Variants in CYSLTR2 observed in about 807,000 individuals in gnomAD.
CYSLTR2 encodes cysteinyl leukotriene receptor 2, also known as G-protein coupled receptor GPCR21.
For missense variants in CYSLTR2, 398 were observed against 411.9 expected (o/e 0.97, Z 0.29); for synonymous variants, 179 against 160.8 (o/e 1.11, Z -0.86).
At chr13:48,692,726 G>T (rs1954070066) in intron 2 of CYSLTR2, among the ~76,000 whole-genome samples, 1 of 150,592 alleles carries the variant, frequency 6.6e-6, no homozygotes, top group Non-Finnish European at 1.5e-5. Context: ...TTTTCTTTAG[G>T]CAAGAAAGAA....
intron 4 of CYSLTR2, among the ~76,000 whole-genome samples, chr13:48,700,084 A>G (rs1311932943): frequency 2.0e-5 from 3 of 152,388 alleles, no homozygotes; most frequent in South Asian, 4.1e-4. Context: ...GAATTCTACC[A>G]GAGGTACAAA....
chr13:48,701,464 C>A (rs1234256018), intron 4 of CYSLTR2, among the ~76,000 whole-genome samples: 1 of 152,162 alleles, frequency 6.6e-6, no homozygotes, highest in Non-Finnish European at 1.5e-5. Context: ...CTTCCTTACA[C>A]CTTACACAAA....
At chr13:48,697,728 G>A (rs1954230614) in intron 4 of CYSLTR2, among the ~76,000 whole-genome samples, 1 of 152,158 alleles carries the variant, frequency 6.6e-6, no homozygotes, top group South Asian at 2.1e-4. Context: ...CCAAGTTAAA[G>A]GAGGATGTTC....
At chr13:48,686,886 C>T (rs966181403) in intron 1 of CYSLTR2, among the ~76,000 whole-genome samples, 2 of 152,078 alleles carry the variant, frequency 1.3e-5, no homozygotes, top group Non-Finnish European at 2.9e-5. Flanking sequence ...TTAAGGAATA[C>T]CTGGAGAACT....
rs574546859 is a variant in CYSLTR2 at position 48,689,551 on chromosome 13, T to G, written c.-265-1661T>G. ...CTTGTTTTTGTCAAGTTGTCAAAGA[T>G]CAGATGGTTGTAGATGTGTGGTGTT... On this transcript the variant is annotated intron_variant, in intron 1 of 4. Transcript: ENST00000682523. Among the ~76,000 whole-genome samples, 7 of 152,298 alleles carry G rather than the reference T, an allele frequency of 4.6e-5. No individual in the cohort carries two copies. The East Asian group carries it at 1.3e-3, about 29-fold the overall frequency.
intron 1 of CYSLTR2, among the ~76,000 whole-genome samples, chr13:48,654,685 T>C (rs1593917766): frequency 6.6e-6 from 1 of 152,194 alleles, no homozygotes; most frequent in African/African-American, 2.4e-5. Context: ...ATCTGTTCCT[T>C]ACCCCACTGG....
intron 1 of CYSLTR2, among the ~76,000 whole-genome samples, chr13:48,684,582 C>T (rs1035889085): frequency 6.6e-6 from 1 of 151,938 alleles, no homozygotes; most frequent in African/African-American, 2.4e-5. Context: ...GCACTTAGTG[C>T]CAAGTACCCT....
intron 1 of CYSLTR2, among the ~76,000 whole-genome samples, chr13:48,672,503 A>C (rs866313209): frequency 2.6e-5 from 4 of 152,004 alleles, no homozygotes; most frequent in Admixed American, 6.5e-5. Context: ...GGTTTCAAAG[A>C]ATTTATTTAT....
At chr13:48,659,039 C>T (rs370750564) in intron 1 of CYSLTR2, among the ~76,000 whole-genome samples, 1 of 151,818 alleles carries the variant, frequency 6.6e-6, no homozygotes, top group Non-Finnish European at 1.5e-5. Flanking sequence ...TGTACTAGGC[C>T]GGTCTTGAGC....
At chr13:48,700,564 T>C (rs1359875676) in intron 4 of CYSLTR2, among the ~76,000 whole-genome samples, 1 of 152,210 alleles carries the variant, frequency 6.6e-6, no homozygotes, top group African/African-American at 2.4e-5. Flanking sequence ...AATATCATAC[T>C]GAATGGGCAA....
chr13:48,684,246 T>C (rs1953838275), intron 1 of CYSLTR2, among the ~76,000 whole-genome samples: 1 of 151,962 alleles, frequency 6.6e-6, no homozygotes, highest in Non-Finnish European at 1.5e-5. Context: ...ACTGACTGGA[T>C]GAGTTATCAG....
chr13:48,687,441 A>G (rs1413759071), intron 1 of CYSLTR2, among the ~76,000 whole-genome samples: 5 of 151,902 alleles, frequency 3.3e-5, no homozygotes, highest in Admixed American at 6.6e-5. Context: ...TTATCTATCG[A>G]TTATCATCTA....
chr13:48,684,407 C>T lies in CYSLTR2; in HGVS notation c.-265-6805C>T, dbSNP rs148049662. 4.9e-4 allele frequency among the ~76,000 whole-genome samples: 74 copies of T among 151,568 alleles called. No individual in the cohort carries two copies. The Middle Eastern group carries it at 0.014, about 28-fold the overall frequency. On this transcript the variant is annotated intron_variant, in intron 1 of 4. Transcript: ENST00000682523. ...ATTCCCATAAGGTATAAAAAGTAAA[C>T]TCCTCTTGATGTCTTTCTAGCAAGC...
intron 1 of CYSLTR2, among the ~76,000 whole-genome samples, chr13:48,660,307 GGAGAT>G (rs1953096543): frequency 6.6e-6 from 1 of 152,146 alleles, no homozygotes. Context: ...TTGTTCTCTG[GGAGAT>G]AACAGTAGAT....
intron 1 of CYSLTR2, among the ~76,000 whole-genome samples, chr13:48,686,679 C>T (rs976737015): frequency 1.3e-5 from 2 of 152,190 alleles, no homozygotes; most frequent in African/African-American, 4.8e-5. Context: ...ACAAATTTCT[C>T]TTTGGCTAGC....
At chr13:48,685,737 T>C (rs1306876290) in intron 1 of CYSLTR2, among the ~76,000 whole-genome samples, 4 of 152,206 alleles carry the variant, frequency 2.6e-5, no homozygotes, top group Non-Finnish European at 5.9e-5. Flanking sequence ...CATTATATTC[T>C]AGATAAATGA....
At chr13:48,677,502 G>A (rs1953629812) in intron 1 of CYSLTR2, among the ~76,000 whole-genome samples, 1 of 152,166 alleles carries the variant, frequency 6.6e-6, no homozygotes, top group African/African-American at 2.4e-5. Context: ...GGAAGGTTGA[G>A]AGTCAAGCCC....
intron 2 of CYSLTR2, among the ~76,000 whole-genome samples, chr13:48,692,131 A>T (rs1467238684): frequency 6.6e-6 from 1 of 152,026 alleles, no homozygotes; most frequent in African/African-American, 2.4e-5. Flanking sequence ...GTTCCAGGAG[A>T]CAAGATGTAA....
Position 48,678,781 on chromosome 13 carries a change from C to T in CYSLTR2, c.-265-12431C>T, listed in dbSNP as rs537996923. On this transcript the variant is annotated intron_variant, in intron 1 of 4. Transcript: ENST00000682523. ...TAATACCTGAGAGGAACCTTGACTTCCCTTTTCCCTGACCCTCTATATTTA... is the reference window on the plus strand; with the variant it reads ...TAATACCTGAGAGGAACCTTGACTTTCCTTTTCCCTGACCCTCTATATTTA... 2.0e-5 allele frequency among the ~76,000 whole-genome samples: 3 copies of T among 152,254 alleles called. No homozygotes were observed. In the South Asian group the frequency reaches 6.2e-4, roughly 32 times the overall value.
Sources: allele counts gnomAD v4.1 joint callset (sites outside exome capture counted in the v4.1 genomes callset), GRCh38; gene constraint gnomAD v4.1.1; transcripts MANE v1.5; gene names NCBI Gene and HGNC (gene_info 2026-07-23, HGNC 2026-07-21).